The following CRHR2 variants were observed in gnomAD, a reference collection of about 807,000 sequenced individuals.
CRHR2 encodes corticotropin releasing hormone receptor 2.
CRHR2 carries 53 observed loss-of-function variants against 57.9 expected under a neutral mutation model. The observed-to-expected ratio is 0.92, with a 90% CI of 0.73 to 1.15. CRHR2 has a LOEUF of 1.15. Ranked by LOEUF, CRHR2 falls within the 50% of genes most tolerant of loss-of-function variation. The pLI, the probability that CRHR2 is intolerant of heterozygous loss-of-function variation, is 0.00. For missense variants in CRHR2, 532 were observed against 542.6 expected, an observed-to-expected ratio of 0.98 and a Z score of 0.19; for synonymous variants, 213 against 220.9, an observed-to-expected ratio of 0.96 and a Z score of 0.32.
chr7:30,682,461 A>T (rs1784754778), upstream of CRHR2: 3 of 1,334,314 alleles, frequency 2.2e-6, no homozygotes, highest in Non-Finnish European at 2.9e-6. Context: ...TCAAGTGGGG[A>T]CCTTCCCGGA....
At chr7:30,655,546 C>A (rs759540295) in intron 10 of CRHR2, 34 bp downstream of exon 10, 1 of 1,593,342 alleles carries the variant, frequency 6.3e-7, no homozygotes, top group Non-Finnish European at 8.6e-7. Flanking sequence ...CAGGAAAGCT[C>A]ACTGTGGGGC....
chr7:30,689,691 G>A (rs1412448687), intron 1 of CRHR2, among the ~76,000 whole-genome samples: 2 of 152,210 alleles, frequency 1.3e-5, no homozygotes, highest in South Asian at 2.1e-4. Context: ...CCCTGGCTGG[G>A]GGAACTGATG....
At chr7:30,663,649 C>T (rs1327533872) in intron 5 of CRHR2, among the ~76,000 whole-genome samples, 1 of 152,204 alleles carries the variant, frequency 6.6e-6, no homozygotes, top group Non-Finnish European at 1.5e-5. Context: ...CCAAAGGAGG[C>T]AGGGAGGGGA....
intron 3 of CRHR2, among the ~76,000 whole-genome samples, chr7:30,666,629 C>A (rs1784192775): frequency 6.6e-6 from 1 of 152,226 alleles, no homozygotes; most frequent in South Asian, 2.1e-4. Flanking sequence ...TCATCTGGGG[C>A]AAAGTCCCAG....
chr7:30,690,061 T>A (rs940603100), intron 1 of CRHR2, among the ~76,000 whole-genome samples: 1 of 152,170 alleles, frequency 6.6e-6, no homozygotes, highest in Middle Eastern at 3.2e-3. Context: ...TAAAAAATCA[T>A]CAGAGTGGGT....
rs768664858 is a variant in CRHR2 at position 30,655,020 on chromosome 7, C to T, written c.1095+19G>A. ...AGGACCTGGATATCCCAGGCCACCC[C>T]GAGGGCCCAGCTTCATACCTCTCCA... is the stretch of plus-strand genomic sequence containing the variant. On this transcript the variant is annotated intron_variant, in intron 11 of 11. Coordinates refer to ENST00000471646, the MANE Select transcript of CRHR2 (RefSeq NM_001883.5). 5.0e-6 allele frequency: 8 copies of T among 1,611,794 alleles called. No individual in the cohort carries two copies. Among genetic ancestry groups the T allele is most frequent in the African/African-American group, 1.3e-5 (1 of 74,982 alleles).
intron 3 of CRHR2, among the ~76,000 whole-genome samples, chr7:30,666,834 G>A (rs887218270): frequency 1.3e-5 from 2 of 150,840 alleles, no homozygotes; most frequent in Non-Finnish European, 3.0e-5. Flanking sequence ...ACAGCCCTTG[G>A]GGGGCTGCAT....
chr7:30,700,051 G>A (rs895688652), exon 1 of CRHR2: 2 of 1,383,196 alleles, frequency 1.4e-6, no homozygotes, highest in African/African-American at 1.5e-5. Context: ...GTGGCTGGGG[G>A]TTAGGGACTG....
At chr7:30,686,056 C>T (rs1188369531), upstream of CRHR2, among the ~76,000 whole-genome samples, 4 of 152,286 alleles carry the variant, frequency 2.6e-5, no homozygotes, top group South Asian at 2.1e-4. Context: ...TGATCATCGT[C>T]CCCCATCCTC....
intron 1 of CRHR2, among the ~76,000 whole-genome samples, chr7:30,695,346 TGCTCG>T (rs1785036144): frequency 6.6e-6 from 1 of 152,142 alleles, no homozygotes; most frequent in Admixed American, 6.5e-5. Flanking sequence ...CCTGAGTCTG[TGCTCG>T]GCCAAGTTCG....
chr7:30,684,260 G>A (rs549643215), upstream of CRHR2, among the ~76,000 whole-genome samples: 4 of 152,360 alleles, frequency 2.6e-5, no homozygotes, highest in African/African-American at 9.6e-5. Context: ...AGGCCAGAGG[G>A]TGGCTGGCCA....
Position 30,653,431 on chromosome 7 carries a change from G to A in CRHR2, c.*29C>T. Reference sequence around the variant, plus strand: ...AGAGGAAGAAGGTGGAGGAGGACAGGGGAGCTGTGCAGGTGGGCGACCGAG... The same window carrying A: ...AGAGGAAGAAGGTGGAGGAGGACAGAGGAGCTGTGCAGGTGGGCGACCGAG... On this transcript the variant is annotated 3_prime_UTR_variant, in exon 12 of 12. Coordinates refer to ENST00000471646, the MANE Select transcript of CRHR2 (RefSeq NM_001883.5). This position sits in a 1 kb window ranked among gnomAD's most constrained non-coding sequence, Gnocchi z 5.0. 1 of 1,609,490 alleles carries A rather than the reference G, an allele frequency of 6.2e-7. No homozygotes were observed. The highest frequency in any genetic ancestry group is 1.1e-5 in the South Asian group (1 of 90,334).
rs541785391 is a variant in CRHR2 at position 30,680,904 on chromosome 7, G to A, written c.229+1011C>T. Among the ~76,000 whole-genome samples the A allele has an allele frequency of 6.6e-5, 10 of 151,890 alleles. No individual in the cohort carries two copies. In the South Asian group the frequency reaches 2.1e-3, roughly 32 times the overall value. On this transcript the variant is annotated intron_variant, in intron 2 of 11. Transcript: ENST00000471646. ...GCTACCAATCAGACACAGACACTCT[G>A]AGGATGTTTCCAGGATGAGAGGCTT...
In CRHR2 at chr7:30,699,918, CG is replaced by C; in HGVS notation, c.-261+25del. ...GCTCCGTGCTCCTGGCGCCCCACCT[CG>C]TGGACTCCCACTCCCTGCACTTACG... On this transcript the variant is annotated intron_variant, in intron 1 of 13. Coordinates refer to the CRHR2 transcript ENST00000341843. The C allele has an allele frequency of 2.0e-6, 3 of 1,495,674 alleles. No homozygotes were observed. The South Asian group carries it at 3.8e-5, about 19-fold the overall frequency. 92.7% of individuals were successfully genotyped at this position (1,495,674 alleles called of 1,614,324 possible). A position where few individuals can be genotyped will look rare whatever the true frequency, so the allele number is the denominator to read the frequency against.
At chr7:30,699,919 G>C in intron 1 of CRHR2, 1 of 1,495,588 alleles carries the variant, frequency 6.7e-7, no homozygotes, top group Non-Finnish European at 8.9e-7. Context: ...GCCCCACCTC[G>C]TGGACTCCCA....
chr7:30,692,464 C>T (rs1784980903), intron 1 of CRHR2, among the ~76,000 whole-genome samples: 1 of 152,174 alleles, frequency 6.6e-6, no homozygotes, highest in Admixed American at 6.5e-5. Context: ...ATTGAGGAAA[C>T]CGAAGGCCGT....
At position 30,655,452 on chromosome 7, in the gene CRHR2, T is replaced by A. The variant is rs1783746200; in HGVS notation, c.1053+128A>T. 8.2e-6 allele frequency: 10 copies of A among 1,220,124 alleles called. No individual in the cohort carries two copies. The South Asian group carries it at 1.5e-4, about 18-fold the overall frequency. The allele number at this position is 1,220,124 out of a possible 1,614,324, so 75.6% of individuals were successfully genotyped here. ...GGCTCAGGCTGAGCATGTACGGGCT[T>A]CTAACTCTGTGGATGTAACTGAGCC... On this transcript the variant is annotated intron_variant, in intron 10 of 11. Transcript: ENST00000471646.
In CRHR2 at chr7:30,682,080, C is replaced by A. The variant is rs775977428; in HGVS notation, c.104-40G>T. On this transcript the variant is annotated intron_variant, in intron 1 of 11. Transcript: ENST00000471646. ...GAGCGCAGTAGGGCTCAGAGGGGCC[C>A]GCAGGGACGCGGGGCTCTCGGAGCG... 2.4e-5 allele frequency: 37 copies of A among 1,549,434 alleles called. No homozygotes were observed. The East Asian group carries it at 8.8e-4, about 37-fold the overall frequency.
At position 30,682,390 on chromosome 7, in the gene CRHR2, G is replaced by C; in HGVS notation, c.-110C>G. On this transcript the variant is annotated 5_prime_UTR_variant, in exon 1 of 12. Coordinates refer to ENST00000471646, the MANE Select transcript of CRHR2 (RefSeq NM_001883.5). ...GAGAGGGCGCGGGGTCCTGGCCCCC[G>C]CCAGCCCAGCCCCGATCTCCCGGGC... The C allele has an allele frequency of 1.4e-6, 2 of 1,389,566 alleles. No homozygotes were observed. The highest frequency in any genetic ancestry group is 9.3e-7 in the Non-Finnish European group (1 of 1,076,510). The allele number at this position is 1,389,566 out of a possible 1,614,324, so 86.1% of individuals were successfully genotyped here.
Sources: gnomAD v4.1 joint callset for allele counts (sites outside exome capture counted in the v4.1 genomes callset) on GRCh38, gnomAD v4.1.1 for gene constraint, Gnocchi (gnomAD v3.1) non-coding constraint, MANE v1.5 for transcripts, NCBI Gene and HGNC (gene_info 2026-07-23, HGNC 2026-07-21) for gene names.